Variants in NSD3 observed in about 807,000 individuals in gnomAD.
NSD3 encodes the protein nuclear receptor binding SET domain protein 3.
Under a neutral mutation model 160.8 loss-of-function variants are expected in NSD3, and 24 were observed. The observed-to-expected ratio is 0.15, with a 90% CI of 0.11 to 0.21. NSD3 has a LOEUF of 0.21. Ranked by LOEUF, NSD3 falls within the 10% of genes least tolerant of loss-of-function variation. The pLI is 1.00. For synonymous variants in NSD3, 520 were observed against 600.0 expected, an observed-to-expected ratio of 0.87 and a Z score of 1.95; for missense variants, 1,157 against 1,735.9, an observed-to-expected ratio of 0.67 and a Z score of 5.93.
intron 1 of NSD3, among the ~76,000 whole-genome samples, chr8:38,361,104 C>T (rs1014644019): frequency 2.6e-5 from 4 of 152,186 alleles, no homozygotes; most frequent in African/African-American, 9.7e-5. Context: ...TGGCTCACTG[C>T]AACCTCCGCC....
intron 12 of NSD3, among the ~76,000 whole-genome samples, chr8:38,307,015 A>T (rs1244655312): frequency 2.6e-5 from 4 of 151,380 alleles, no homozygotes; most frequent in Non-Finnish European, 5.9e-5. Flanking sequence ...CTCGGGAGGC[A>T]GAGGCAGGAG....
At chr8:38,279,825 G>C in intron 20 of NSD3, 144 bp from the exon 21 acceptor site, 1 of 809,048 alleles carries the variant, frequency 1.2e-6, no homozygotes, top group East Asian at 2.7e-5. Context: ...AGGCTGCCTG[G>C]GTAATTTACT....
chr8:38,327,341 C>A (rs1809941519), intron 6 of NSD3, among the ~76,000 whole-genome samples: 1 of 151,966 alleles, frequency 6.6e-6, no homozygotes, highest in Non-Finnish European at 1.5e-5. Context: ...CAGGCGTTAG[C>A]CACCGCACCC....
chr8:38,329,327 A>G lies in NSD3; in HGVS notation c.1581+51T>C, dbSNP rs377356940. The G allele has an allele frequency of 3.8e-6, 6 of 1,566,684 alleles. No individual in the cohort carries two copies. The highest frequency in any genetic ancestry group is 5.2e-6 in the Non-Finnish European group (6 of 1,155,344). ...GTCATTGTTTTAAATGCCAAGGTTG[A>G]CCACTTTTAAAATACCATCCCCCAA... is the stretch of plus-strand genomic sequence containing the variant. On this transcript the variant is annotated intron_variant, in intron 6 of 23. Coordinates refer to ENST00000317025, the MANE Select transcript of NSD3 (RefSeq NM_023034.2). The surrounding 1 kb of genome is among the most constrained non-coding windows in gnomAD (Gnocchi z 4.8).
chr8:38,353,696 A>G (rs1360612360), intron 1 of NSD3, among the ~76,000 whole-genome samples: 1 of 152,220 alleles, frequency 6.6e-6, no homozygotes, highest in Admixed American at 6.5e-5. Context: ...GAGTCCATGG[A>G]GTGAACACAT....
At chr8:38,359,099 T>C (rs1036209903) in intron 1 of NSD3, among the ~76,000 whole-genome samples, 1 of 152,206 alleles carries the variant, frequency 6.6e-6, no homozygotes, top group Non-Finnish European at 1.5e-5. Flanking sequence ...AATCTAAATA[T>C]ATGATCAGAG....
rs372612316 is a variant in NSD3, at chr8:38,315,958, T to C, written c.1940A>G (p.Tyr647Cys). 2.5e-6 allele frequency: 4 copies of C among 1,613,708 alleles called. No individual in the cohort carries two copies. The highest frequency in any genetic ancestry group is 1.3e-5 in the African/African-American group (1 of 74,932). The change falls in exon 10 of 24, where the codon TAC becomes TGC. Residue 647 changes from tyrosine to cysteine, a missense_variant. Tyr to Cys is a radical substitution (Grantham distance 194). Coordinates refer to ENST00000317025, the MANE Select transcript of NSD3 (RefSeq NM_023034.2). ...AGAATCGGAGTCAGATGTGTCTCTG[T>C]ATGCTGAACTAGTCATTTCTACATC... ...STDVEMTSSA[Y>C]RDTSDSDSRG...
intron 1 of NSD3, among the ~76,000 whole-genome samples, chr8:38,365,018 A>G (rs1811073126): frequency 6.6e-6 from 1 of 152,230 alleles, no homozygotes. Flanking sequence ...AATGAGACTG[A>G]CTAGTCAAAA....
intron 2 of NSD3, among the ~76,000 whole-genome samples, chr8:38,339,746 A>G (rs538327326): frequency 6.6e-6 from 1 of 152,040 alleles, no homozygotes; most frequent in South Asian, 2.1e-4. Context: ...AAAGGAAAGA[A>G]AGAAGTTTCT....
rs569824018 is a variant in NSD3 at position 38,351,535 on chromosome 8, T to A, written c.-44-3320A>T. The stretch of plus-strand genomic sequence containing the variant: ...AAAATTAGCTGGGCATGCTGGCAAG[T>A]GCCTGTAATCCCAGCTACTTGGGAG... On this transcript the variant is annotated intron_variant, in intron 1 of 23. Coordinates refer to ENST00000317025, the MANE Select transcript of NSD3 (RefSeq NM_023034.2). Among the ~76,000 whole-genome samples the A allele has an allele frequency of 9.9e-5, 15 of 151,594 alleles. No homozygotes were observed. The East Asian group carries it at 2.8e-3, about 28-fold the overall frequency.
chr8:38,340,033 G>T (rs1810321543), intron 2 of NSD3, among the ~76,000 whole-genome samples: 1 of 151,932 alleles, frequency 6.6e-6, no homozygotes, highest in African/African-American at 2.4e-5. Flanking sequence ...TATCTTTTGG[G>T]AATGACATGA....
At chr8:38,278,012 C>G (rs563944569) in intron 22 of NSD3, among the ~76,000 whole-genome samples, 2 of 151,114 alleles carry the variant, frequency 1.3e-5, no homozygotes, top group Non-Finnish European at 2.9e-5. Context: ...GATCTTGGCT[C>G]ACTGCAAGCT....
chr8:38,352,758 C>A (rs963660912), intron 1 of NSD3, among the ~76,000 whole-genome samples: 3 of 152,024 alleles, frequency 2.0e-5, no homozygotes, highest in African/African-American at 7.3e-5. Flanking sequence ...CAGGCATGCG[C>A]CACACCTGGC....
intron 1 of NSD3, among the ~76,000 whole-genome samples, chr8:38,370,983 A>G (rs1316719629): frequency 6.6e-6 from 1 of 152,104 alleles, no homozygotes. Flanking sequence ...TCAACTTACA[A>G]TATCCCAAAA....
intron 1 of NSD3, among the ~76,000 whole-genome samples, chr8:38,360,485 ATTCT>A (rs1432532501): frequency 1.1e-4 from 17 of 152,168 alleles, no homozygotes; most frequent in Non-Finnish European, 1.8e-4. Context: ...GTTTACTACC[ATTCT>A]GGTTGAGGCT....
intron 17 of NSD3, 53 bp from the exon 18 acceptor site, chr8:38,289,558 G>A: frequency 6.6e-7 from 1 of 1,526,206 alleles, no homozygotes; most frequent in South Asian, 1.2e-5. Context: ...AAGGAAAATT[G>A]ATGGGATAGT....
At chr8:38,361,848 G>T (rs1267516328) in intron 1 of NSD3, among the ~76,000 whole-genome samples, 1 of 151,512 alleles carries the variant, frequency 6.6e-6, no homozygotes, top group Admixed American at 6.6e-5. Flanking sequence ...GGGGTGTGAC[G>T]ACGGGGAGAG....
intron 17 of NSD3, among the ~76,000 whole-genome samples, chr8:38,289,929 T>C (rs557656937): frequency 3.3e-5 from 5 of 152,268 alleles, no homozygotes; most frequent in African/African-American, 1.2e-4. Context: ...AAAAGACTAT[T>C]CTCAGGCTGG....
chr8:38,304,636 G>C lies in NSD3; in HGVS notation c.2562C>G (p.Ser854Arg), dbSNP rs35093506. The C allele has an allele frequency of 4.3e-6, 7 of 1,613,616 alleles. No homozygotes were observed. Among genetic ancestry groups the C allele is most frequent in the Non-Finnish European group, 5.9e-6 (7 of 1,179,884 alleles). The change falls in exon 14 of 24, where the codon AGC (serine) becomes AGG (arginine). Residue 854 changes from serine (S) to arginine (R), a missense_variant. Physicochemically the swap from Ser to Arg is moderately radical, Grantham distance 110 (BLOSUM62 -1). Around this residue, in one of 10 missense-constraint regions of NSD3, gnomAD observed 437 missense variants for 576.6 expected, o/e 0.76. Transcript: ENST00000317025. Reference sequence around the variant, plus strand: ...CTACATTTACAGCAGAAGAATTACTGCTCCGTTTGGAATGATTACTACAGA... The same window carrying C: ...CTACATTTACAGCAGAAGAATTACTCCTCCGTTTGGAATGATTACTACAGA... ...ILICSNHSKR[S>R]SNSSAVNVGF...
Sources: allele counts gnomAD v4.1 joint callset (sites outside exome capture counted in the v4.1 genomes callset), GRCh38; gene constraint gnomAD v4.1.1; regional missense constraint gnomAD v4.1.1; non-coding constraint Gnocchi (gnomAD v3.1); transcripts MANE v1.5; gene names NCBI Gene and HGNC (gene_info 2026-07-23, HGNC 2026-07-21).